The following POU2F1 variants were observed in gnomAD, a reference collection of about 807,000 sequenced individuals.
POU2F1 encodes POU domain, class 2, transcription factor 1.
Under a neutral mutation model 84.9 loss-of-function variants are expected in POU2F1, and 16 were observed. That is an observed-to-expected ratio of 0.19 (90% CI 0.13 to 0.29). The LOEUF (loss-of-function observed/expected upper bound fraction) is 0.29, where lower values mean the gene tolerates loss of function less well. Ranked by LOEUF, POU2F1 falls within the 10% of genes least tolerant of loss-of-function variation. The probability of loss-of-function intolerance (pLI) is 1.00; values close to 1 mark genes in which losing one functional copy is unlikely to be tolerated. For synonymous variants in POU2F1, 368 were observed against 368.3 expected, an observed-to-expected ratio of 1.00 and a Z score of 0.01; for missense variants, 738 against 942.6, an observed-to-expected ratio of 0.78 and a Z score of 2.84.
At chr1:167,272,460 G>A (rs113058747) in intron 1 of POU2F1, among the ~76,000 whole-genome samples, 2,999 of 151,556 alleles carry the variant, frequency 0.02, 94 homozygotes, top group African/African-American at 0.068. Context: ...AACTTCCTGA[G>A]ACTGGGTAAT....
rs1441248808 is a variant in POU2F1 at position 167,417,820 on chromosome 1, T to C, written c.*2010T>C. On this transcript the variant is annotated 3_prime_UTR_variant, in exon 16 of 16. Coordinates refer to ENST00000367866, the MANE Select transcript of POU2F1 (RefSeq NM_002697.4). The stretch of plus-strand genomic sequence containing the variant: ...AGTAAATACAGACACAATGTGTACT[T>C]TTGTGTGTGATTCAAGTGGGAGACA... 2.0e-5 allele frequency: 3 copies of C among 152,206 alleles called. No individual in the cohort carries two copies. The highest frequency in any genetic ancestry group is 2.9e-5 in the Non-Finnish European group (2 of 68,038). The allele number at this position is 152,206 out of a possible 1,614,324, so 9.4% of individuals were successfully genotyped here.
chr1:167,315,962 C>T (rs1251025458), intron 1 of POU2F1, among the ~76,000 whole-genome samples: 3 of 152,116 alleles, frequency 2.0e-5, no homozygotes, highest in Non-Finnish European at 2.9e-5. Context: ...GTAAAAAATG[C>T]CAATCTCAAA....
intron 1 of POU2F1, chr1:167,257,921 C>G (rs190351505): frequency 6.6e-6 from 1 of 151,858 alleles, no homozygotes. Context: ...ACTACAGGTG[C>G]GTGCCATCAT....
At chr1:167,357,673 C>T (rs562254558) in intron 2 of POU2F1, among the ~76,000 whole-genome samples, 8 of 151,888 alleles carry the variant, frequency 5.3e-5, no homozygotes, top group African/African-American at 1.7e-4. Flanking sequence ...GCCAGCACAC[C>T]CAGTCCTTAT....
intron 1 of POU2F1, among the ~76,000 whole-genome samples, chr1:167,233,352 G>A (rs926376318): frequency 3.3e-5 from 5 of 150,594 alleles, no homozygotes; most frequent in African/African-American, 1.2e-4. Context: ...TGCCCCGGCT[G>A]GTCTTCAACT....
At chr1:167,270,799 G>A (rs1249148987) in intron 1 of POU2F1, among the ~76,000 whole-genome samples, 1 of 152,198 alleles carries the variant, frequency 6.6e-6, no homozygotes. Context: ...TGGATAGGGA[G>A]AGATGGAGAG....
intron 2 of POU2F1, among the ~76,000 whole-genome samples, chr1:167,346,235 T>C (rs1484940389): frequency 2.0e-5 from 3 of 152,114 alleles, no homozygotes; most frequent in Non-Finnish European, 4.4e-5. Context: ...TTCATCCAGA[T>C]AGACTTAACA....
At chr1:167,414,777 C>T (rs890691456) in intron 15 of POU2F1, 2 of 936,368 alleles carry the variant, frequency 2.1e-6, no homozygotes, top group African/African-American at 3.6e-5. Flanking sequence ...TATTTAGCCT[C>T]AGGAAGTGAG....
intron 1 of POU2F1, among the ~76,000 whole-genome samples, chr1:167,271,264 C>G (rs1028810635): frequency 1.3e-5 from 2 of 151,942 alleles, no homozygotes; most frequent in Non-Finnish European, 2.9e-5. Context: ...GGGAGAGAAG[C>G]CATTTAAAAC....
intron 1 of POU2F1, among the ~76,000 whole-genome samples, chr1:167,331,492 CTAAA>C (rs1571314937): frequency 1.3e-5 from 2 of 151,964 alleles, no homozygotes; most frequent in East Asian, 3.8e-4. Flanking sequence ...TATTTAACCA[CTAAA>C]TAAGTTAATG....
intron 9 of POU2F1, among the ~76,000 whole-genome samples, chr1:167,395,731 A>C (rs1049533615): frequency 1.3e-5 from 2 of 151,828 alleles, no homozygotes. Context: ...CAGCCTCCCA[A>C]ATGGCTAGGA....
At chr1:167,393,791 A>G (rs955713374) in intron 9 of POU2F1, among the ~76,000 whole-genome samples, 2 of 152,190 alleles carry the variant, frequency 1.3e-5, no homozygotes, top group Non-Finnish European at 2.9e-5. Context: ...TTGTGCAGTT[A>G]CTATGCCAGA....
chr1:167,415,283 AATT>A (rs1462198203), intron 15 of POU2F1, among the ~76,000 whole-genome samples: 8 of 152,216 alleles, frequency 5.3e-5, no homozygotes, highest in Non-Finnish European at 1.0e-4. Flanking sequence ...GTGCCCATTA[AATT>A]AGACATTTCA....
At chr1:167,271,239 C>T (rs113469597) in intron 1 of POU2F1, among the ~76,000 whole-genome samples, 5 of 152,132 alleles carry the variant, frequency 3.3e-5, no homozygotes, top group African/African-American at 1.2e-4. Flanking sequence ...AAAAAGAACA[C>T]CTAACTGGGA....
At chr1:167,288,862 A>G (rs1009442929) in intron 1 of POU2F1, among the ~76,000 whole-genome samples, 1 of 152,214 alleles carries the variant, frequency 6.6e-6, no homozygotes, top group African/African-American at 2.4e-5. Flanking sequence ...TTTCACAATC[A>G]TTAAATAGAA....
At chr1:167,324,255 A>C (rs964951824) in intron 1 of POU2F1, among the ~76,000 whole-genome samples, 1 of 144,016 alleles carries the variant, frequency 6.9e-6, no homozygotes, top group African/African-American at 2.9e-5. Context: ...TTTTTAATCT[A>C]TGAGACATGA....
chr1:167,245,721 T>TAA (rs201713712), intron 1 of POU2F1, among the ~76,000 whole-genome samples: 21 of 149,214 alleles, frequency 1.4e-4, no homozygotes, highest in African/African-American at 4.9e-4. Flanking sequence ...CCCAGCTAAT[T>TAA]AAAAAAAAAA....
intron 12 of POU2F1, 102 bp downstream of exon 12, chr1:167,399,467 A>G (rs1649040333): frequency 1.0e-6 from 1 of 964,654 alleles, no homozygotes; most frequent in South Asian, 1.7e-5. Context: ...TTTAATGAAT[A>G]AATACATCAA....
chr1:167,400,518 A>G (rs1340799479), intron 12 of POU2F1, among the ~76,000 whole-genome samples: 4 of 152,350 alleles, frequency 2.6e-5, no homozygotes, highest in Middle Eastern at 3.4e-3. Flanking sequence ...AAGTTACCAG[A>G]TAACCTTCAG....
Sources: gnomAD v4.1 joint callset for allele counts (sites outside exome capture counted in the v4.1 genomes callset) on GRCh38, gnomAD v4.1.1 for gene constraint, MANE v1.5 for transcripts, NCBI Gene and HGNC (gene_info 2026-07-23, HGNC 2026-07-21) for gene names.